Variants in HABP4 observed in about 807,000 individuals in gnomAD.
HABP4 encodes the protein intracellular hyaluronan-binding protein 4.
In HABP4, 32 loss-of-function variants were observed where a neutral mutation model predicts 44.1. The ratio of observed to expected loss-of-function variants is 0.73; its 90% CI spans 0.55 to 0.97. The LOEUF is 0.97. HABP4 is among the 50% of genes least tolerant of loss of function. The probability of loss-of-function intolerance (pLI) is 0.00; values close to 1 mark genes in which losing one functional copy is unlikely to be tolerated. For synonymous variants in HABP4, 216 were observed against 218.0 expected, an observed-to-expected ratio of 0.99 and a Z score of 0.08; for missense variants, 503 against 561.9, an observed-to-expected ratio of 0.90 and a Z score of 1.06.
At chr9:96,489,857 C>CGGAA in intron 7 of HABP4, 125 bp from the exon 8 acceptor site, 1 of 729,020 alleles carries the variant, frequency 1.4e-6, no homozygotes, top group Non-Finnish European at 2.5e-6. Flanking sequence ...CTCTCCCCTT[C>CGGAA]CCACTGTGGG....
chr9:96,470,560 T>A (rs1194011549), intron 4 of HABP4, among the ~76,000 whole-genome samples: 1 of 152,162 alleles, frequency 6.6e-6, no homozygotes, highest in Non-Finnish European at 1.5e-5. Flanking sequence ...AAAAGTCTTT[T>A]CTGTTATTGT....
chr9:96,487,496 T>A (rs1324449625), intron 6 of HABP4, among the ~76,000 whole-genome samples: 1 of 152,234 alleles, frequency 6.6e-6, no homozygotes, highest in Non-Finnish European at 1.5e-5. Context: ...GTAACCATAC[T>A]CTTGTTTTTA....
chr9:96,482,662 C>T (rs1564168685), intron 5 of HABP4, among the ~76,000 whole-genome samples: 1 of 152,190 alleles, frequency 6.6e-6, no homozygotes, highest in Non-Finnish European at 1.5e-5. Context: ...CCTATCCTCC[C>T]TCCCTGCAGC....
At chr9:96,476,728 G>T (rs749102828) in intron 5 of HABP4, among the ~76,000 whole-genome samples, 2 of 152,234 alleles carry the variant, frequency 1.3e-5, no homozygotes, top group Non-Finnish European at 2.9e-5. Context: ...GGGAAATGGG[G>T]TATGCGTCAC....
intron 5 of HABP4, among the ~76,000 whole-genome samples, chr9:96,481,064 C>T (rs1364569017): frequency 1.3e-5 from 2 of 152,048 alleles, no homozygotes; most frequent in Non-Finnish European, 2.9e-5. Flanking sequence ...AGATTTGATT[C>T]CCCACTCCCC....
chr9:96,451,826 C>G (rs1055385576), intron 1 of HABP4, among the ~76,000 whole-genome samples: 1 of 152,188 alleles, frequency 6.6e-6, no homozygotes, highest in Non-Finnish European at 1.5e-5. Context: ...ACTGGAGATA[C>G]ATTGTGCATT....
chr9:96,459,647 T>C (rs1317801276), intron 2 of HABP4, among the ~76,000 whole-genome samples: 1 of 152,228 alleles, frequency 6.6e-6, no homozygotes, highest in Non-Finnish European at 1.5e-5. Flanking sequence ...CCAAACTCTT[T>C]CTGCTTCTTG....
intron 2 of HABP4, among the ~76,000 whole-genome samples, chr9:96,462,170 G>A (rs1832510929): frequency 6.7e-6 from 1 of 149,364 alleles, no homozygotes; most frequent in South Asian, 2.1e-4. Flanking sequence ...AGAATTTGTA[G>A]GTTGGGCACA....
In HABP4 at chr9:96,488,287, A is replaced by G. The variant is rs748777920; in HGVS notation, c.1185+13A>G. 2.5e-6 allele frequency: 4 copies of G among 1,590,606 alleles called. No homozygotes were observed. In the South Asian group the frequency reaches 3.3e-5, roughly 13 times the overall value. On this transcript the variant is annotated intron_variant, in intron 7 of 7. Transcript: ENST00000375249. This position sits in a 1 kb window ranked among gnomAD's most constrained non-coding sequence, Gnocchi z 4.6. ...AGCAGAAGTGGTGGTAGGTGTCTGT[A>G]TTGACGGTTTGGCGAAAGAAGTTAA... is the stretch of plus-strand genomic sequence containing the variant.
chr9:96,451,768 C>G (rs913059415), intron 1 of HABP4, among the ~76,000 whole-genome samples: 2 of 152,140 alleles, frequency 1.3e-5, no homozygotes, highest in African/African-American at 4.8e-5. Context: ...TACTATCTCA[C>G]GACACTTTGG....
rs1587690578 is a variant in HABP4, at chr9:96,488,017, C to A, written c.1000-72C>A. The A allele has an allele frequency of 9.6e-7, 1 of 1,044,808 alleles. No individual in the cohort carries two copies. Among genetic ancestry groups the A allele is most frequent in the African/African-American group, 1.5e-5 (1 of 64,552 alleles). The allele number at this position is 1,044,808 out of a possible 1,614,324, so 64.7% of individuals were successfully genotyped here. A position where few individuals can be genotyped will look rare whatever the true frequency, so the allele number is the denominator to read the frequency against. ...GTTTTAGCTCCTGTGTAGCACACTG[C>A]AGCCACTAAGCCAGATGAGTGTGGG... On this transcript the variant is annotated intron_variant, in intron 6 of 7. Coordinates refer to ENST00000375249, the MANE Select transcript of HABP4 (RefSeq NM_014282.4). This position sits in a 1 kb window ranked among gnomAD's most constrained non-coding sequence, Gnocchi z 4.6.
chr9:96,456,476 T>A (rs1238915093), intron 1 of HABP4, among the ~76,000 whole-genome samples: 1 of 151,820 alleles, frequency 6.6e-6, no homozygotes, highest in East Asian at 1.9e-4. Context: ...AAAATATAAC[T>A]GTGGCCAAGG....
intron 6 of HABP4, among the ~76,000 whole-genome samples, chr9:96,486,061 G>A (rs1443779424): frequency 3.3e-5 from 5 of 152,018 alleles, no homozygotes; most frequent in Admixed American, 2.0e-4. Flanking sequence ...GGCGGTTGGC[G>A]GGTGCCTGTA....
intron 1 of HABP4, among the ~76,000 whole-genome samples, chr9:96,452,451 T>C (rs1197018335): frequency 6.6e-6 from 1 of 152,184 alleles, no homozygotes; most frequent in African/African-American, 2.4e-5. Context: ...CTTTCTAAAC[T>C]TAAATGATAT....
At chr9:96,482,516 G>T (rs7037607) in intron 5 of HABP4, among the ~76,000 whole-genome samples, 2 of 151,980 alleles carry the variant, frequency 1.3e-5, no homozygotes, top group African/African-American at 2.4e-5. Flanking sequence ...TCAAATCTAC[G>T]ATTTTAATCC....
chr9:96,459,285 G>A (rs1832458692), intron 2 of HABP4, among the ~76,000 whole-genome samples: 1 of 152,200 alleles, frequency 6.6e-6, no homozygotes, highest in Non-Finnish European at 1.5e-5. Context: ...GGTCAGGTCA[G>A]TAGGCTGCCA....
Position 96,473,927 on chromosome 9 carries a change from G to A in HABP4, c.827+2833G>A, listed in dbSNP as rs140660113. ...ATCCCAGCTCTGCCACTTACTAGTT[G>A]GGCAAGTTATTTAATTTCTTTTTCA... On this transcript the variant is annotated intron_variant, in intron 5 of 7. Transcript: ENST00000375249. 4.8e-3 allele frequency among the ~76,000 whole-genome samples: 726 copies of A among 152,278 alleles called. 7 individuals carry two copies. Among genetic ancestry groups the A allele is most frequent in the African/African-American group, 0.017 (703 of 41,540 alleles).
At chr9:96,452,943 CA>C (rs1832312388) in intron 1 of HABP4, among the ~76,000 whole-genome samples, 2 of 24,116 alleles carry the variant, frequency 8.3e-5, no homozygotes, top group Non-Finnish European at 1.6e-4. Flanking sequence ...TTTTTTGAGA[CA>C]GAGTCTTTTT....
chr9:96,458,622 CTTTCTTTT>C, intron 2 of HABP4, 81 bp downstream of exon 2: 1 of 811,288 alleles, frequency 1.2e-6, no homozygotes, highest in Non-Finnish European at 1.9e-6. Context: ...TCTTTTCTTT[CTTTCTTTT>C]TTTTTTTTTT....
Sources: allele counts gnomAD v4.1 joint callset (sites outside exome capture counted in the v4.1 genomes callset), GRCh38; gene constraint gnomAD v4.1.1; non-coding constraint Gnocchi (gnomAD v3.1); transcripts MANE v1.5; gene names NCBI Gene and HGNC (gene_info 2026-07-23, HGNC 2026-07-21).